SPIRE2: variants seen among roughly 807,000 people sequenced by gnomAD.
SPIRE2 encodes protein spire homolog 2.
A neutral mutation model predicts 80.7 loss-of-function variants in SPIRE2; 76 were observed. The observed-to-expected ratio is 0.94, with a 90% CI of 0.78 to 1.14. The LOEUF is 1.14. SPIRE2 is among the 50% of genes most tolerant of loss of function. The pLI, the probability that SPIRE2 is intolerant of heterozygous loss-of-function variation, is 0.00. For missense variants in SPIRE2, 1,196 were observed against 1,015.3 expected, an observed-to-expected ratio of 1.18 and a Z score of -2.42; for synonymous variants, 535 against 432.6, an observed-to-expected ratio of 1.24 and a Z score of -2.94.
intron 2 of SPIRE2, chr16:89,846,328 C>CT (rs34169212): frequency 0.63 from 92,790 of 147,982 alleles, 29,604 homozygotes; most frequent in East Asian, 0.75. Context: ...TGCCTGGCCT[C>CT]TTTTTTTTTT....
chr16:89,863,334 A>G lies in SPIRE2; in HGVS notation c.1576-142A>G. On this transcript the variant is annotated intron_variant, in intron 10 of 14. Coordinates refer to ENST00000378247, the MANE Select transcript of SPIRE2 (RefSeq NM_032451.2). This position sits in a 1 kb window ranked among gnomAD's most constrained non-coding sequence, Gnocchi z 4.3. ...AGACATGGGGATGGATGGCTGATGG[A>G]CAAGATGGCTGATGGACAGCGTTTT... 1 of 869,918 alleles carries G rather than the reference A, an allele frequency of 1.1e-6. No individual in the cohort carries two copies. Among genetic ancestry groups the G allele is most frequent in the East Asian group, 2.7e-5 (1 of 37,418 alleles). The allele number at this position is 869,918 out of a possible 1,614,324, so 53.9% of individuals were successfully genotyped here. A position where few individuals can be genotyped will look rare whatever the true frequency, so the allele number is the denominator to read the frequency against.
Position 89,863,335 on chromosome 16 carries a change from C to G in SPIRE2, c.1576-141C>G. 1 of 879,926 alleles carries G rather than the reference C, an allele frequency of 1.1e-6. No homozygotes were observed. Among genetic ancestry groups the G allele is most frequent in the Admixed American group, 2.8e-5 (1 of 36,220 alleles). The allele number at this position is 879,926 out of a possible 1,614,324, so 54.5% of individuals were successfully genotyped here. On this transcript the variant is annotated intron_variant, in intron 10 of 14. Transcript: ENST00000378247. The surrounding 1 kb of genome is among the most constrained non-coding windows in gnomAD (Gnocchi z 4.3). ...GACATGGGGATGGATGGCTGATGGA[C>G]AAGATGGCTGATGGACAGCGTTTTA...
chr16:89,844,965 T>C (rs750917584), intron 1 of SPIRE2, among the ~76,000 whole-genome samples: 3 of 152,238 alleles, frequency 2.0e-5, no homozygotes, highest in Non-Finnish European at 4.4e-5. Context: ...CGGGACAGAC[T>C]GTGGGACCTG....
Position 89,850,298 on chromosome 16 carries a change from C to G in SPIRE2, c.289-6C>G, listed in dbSNP as rs751674180. On this transcript the variant is annotated splice_region_variant and splice_polypyrimidine_tract_variant and intron_variant, in intron 2 of 14. Transcript: ENST00000378247. ...ACCGCCCAGTGACCGCGCCCCTGTC[C>G]CGCAGACCGTGCAGTCCCTCGGCTT... 2 of 1,601,558 alleles carry G rather than the reference C, an allele frequency of 1.2e-6. No individual in the cohort carries two copies. Among genetic ancestry groups the G allele is most frequent in the South Asian group, 2.2e-5 (2 of 89,990 alleles).
At chr16:89,855,091 A>C (rs1015426171) in intron 5 of SPIRE2, among the ~76,000 whole-genome samples, 1 of 152,148 alleles carries the variant, frequency 6.6e-6, no homozygotes, top group Non-Finnish European at 1.5e-5. Context: ...GGCGCCCGCC[A>C]CCACGCCTGG....
intron 12 of SPIRE2, 145 bp downstream of exon 12, chr16:89,864,006 G>GA (rs1185476201): frequency 1.7e-6 from 1 of 590,914 alleles, no homozygotes; most frequent in Non-Finnish European, 3.0e-6. Context: ...TGGTTAGTAC[G>GA]AATGAGGAGT....
rs965462496 is a variant in SPIRE2, at chr16:89,859,236, G to C, written c.1344G>C (p.Gln448His). 1.2e-6 allele frequency: 2 copies of C among 1,608,856 alleles called. No individual in the cohort carries two copies. Among genetic ancestry groups the C allele is most frequent in the African/African-American group, 1.3e-5 (1 of 74,748 alleles). The change falls in exon 9 of 15, where the codon CAG becomes CAC. Residue 448 changes from glutamine (Q) to histidine (H), a missense_variant. Coordinates refer to ENST00000378247, the MANE Select transcript of SPIRE2 (RefSeq NM_032451.2). ...CCTTCTCAGAGCATGACCTGGCCCA[G>C]CTCCGAAGTGAGGTGGCCTCTGGCC... The part of the protein sequence containing the change: ...DRSFSEHDLA[Q>H]LRSEVASGLQ...
intron 1 of SPIRE2, among the ~76,000 whole-genome samples, chr16:89,842,612 C>T (rs2041516068): frequency 6.6e-6 from 1 of 152,234 alleles, no homozygotes; most frequent in South Asian, 2.1e-4. Context: ...GCTTCCCATG[C>T]ACTGAGGACC....
intron 2 of SPIRE2, among the ~76,000 whole-genome samples, chr16:89,848,084 G>T (rs534369180): frequency 3.9e-5 from 6 of 152,336 alleles, no homozygotes; most frequent in African/African-American, 1.4e-4. Context: ...CACATTTCCC[G>T]CTACGCTGTC....
chr16:89,828,736 CG>C lies in SPIRE2; in HGVS notation c.190del (p.Asp64ThrfsTer27). The C allele has an allele frequency of 3.2e-6, 4 of 1,233,970 alleles. No homozygotes were observed. Among genetic ancestry groups the C allele is most frequent in the South Asian group, 3.2e-5 (1 of 31,084 alleles). 76.4% of individuals were successfully genotyped at this position (1,233,970 alleles called of 1,614,324 possible). A position where few individuals can be genotyped will look rare whatever the true frequency, so the allele number is the denominator to read the frequency against. Reference sequence around the variant, plus strand: ...CGCCGGGCCGGCGCCTGCGGGATACCGGGGACCTCCTGCTGCGCGGGGACGG... The same window carrying C: ...CGCCGGGCCGGCGCCTGCGGGATACCGGGACCTCCTGCTGCGCGGGGACGG... ...GSPGRRLRDT[G>X]DLLLRGDGSV... On this transcript the variant is annotated frameshift_variant, in exon 1 of 15. Transcript: ENST00000378247. LOFTEE classifies it high-confidence loss of function. This position sits in a 1 kb window ranked among gnomAD's most constrained non-coding sequence, Gnocchi z 5.9.
chr16:89,855,365 G>T (rs375806711), intron 5 of SPIRE2, among the ~76,000 whole-genome samples: 6 of 152,148 alleles, frequency 3.9e-5, no homozygotes, highest in Admixed American at 6.5e-5. Flanking sequence ...AGGTGCTAGA[G>T]GCTGGGGCAG....
rs1597227836 is a variant in SPIRE2 at position 89,870,585 on chromosome 16, T to C, written c.*313T>C. On this transcript the variant is annotated 3_prime_UTR_variant, in exon 15 of 15. Transcript: ENST00000378247. ...AGATCCTGGCACAGACTGCATCCCA[T>C]GTTCCCATGCTCTTCTCCGTCCCCA... 3 of 262,184 alleles carry C rather than the reference T, an allele frequency of 1.1e-5. No homozygotes were observed. In the East Asian group the frequency reaches 2.4e-4, roughly 21 times the overall value. The allele number at this position is 262,184 out of a possible 1,614,324, so 16.2% of individuals were successfully genotyped here. A position where few individuals can be genotyped will look rare whatever the true frequency, so the allele number is the denominator to read the frequency against.
intron 2 of SPIRE2, chr16:89,846,234 C>A (rs1231180594): frequency 6.6e-6 from 1 of 152,306 alleles, no homozygotes; most frequent in African/African-American, 2.4e-5. Flanking sequence ...CACTATGTTG[C>A]CCGGACTAGT....
At chr16:89,853,756 C>T (rs575555110) in intron 3 of SPIRE2, among the ~76,000 whole-genome samples, 2 of 152,240 alleles carry the variant, frequency 1.3e-5, no homozygotes, top group East Asian at 3.9e-4. Context: ...CCCAAGTTCT[C>T]AGCACAGAGC....
rs1397920491 is a variant in SPIRE2, at chr16:89,850,284, A to G, written c.289-20A>G. ...CACCCCCCTGCAGTACCGCCCAGTGACCGCGCCCCTGTCCCGCAGACCGTG... is the reference window on the plus strand; with the variant it reads ...CACCCCCCTGCAGTACCGCCCAGTGGCCGCGCCCCTGTCCCGCAGACCGTG... On this transcript the variant is annotated intron_variant, in intron 2 of 14. Coordinates refer to ENST00000378247, the MANE Select transcript of SPIRE2 (RefSeq NM_032451.2). 10 of 1,596,644 alleles carry G rather than the reference A, an allele frequency of 6.3e-6. No individual in the cohort carries two copies. The highest frequency in any genetic ancestry group is 7.7e-6 in the Non-Finnish European group (9 of 1,175,356).
intron 2 of SPIRE2, among the ~76,000 whole-genome samples, chr16:89,849,104 T>G (rs1232932161): frequency 6.6e-6 from 1 of 152,270 alleles, no homozygotes; most frequent in Non-Finnish European, 1.5e-5. Flanking sequence ...GGATCAGGTT[T>G]CCTGGGCTCC....
rs2041691863 is a variant in SPIRE2 at position 89,856,317 on chromosome 16, G to A, written c.1102+81G>A. On this transcript the variant is annotated intron_variant, in intron 7 of 14. Transcript: ENST00000378247. ...CATTCCCCTGGTCAGGTTGCACATT[G>A]GAAGGTGGCGTCTCCCTGAGGGCGC... 2.1e-6 allele frequency: 3 copies of A among 1,450,536 alleles called. No homozygotes were observed. The South Asian group carries it at 4.2e-5, about 20-fold the overall frequency. The allele number at this position is 1,450,536 out of a possible 1,614,324, so 89.9% of individuals were successfully genotyped here.
intron 1 of SPIRE2, among the ~76,000 whole-genome samples, chr16:89,836,654 T>C (rs779014989): frequency 1.1e-4 from 17 of 151,960 alleles, no homozygotes; most frequent in Non-Finnish European, 2.1e-4. Context: ...TGACCTCTGC[T>C]GTGAAGGTCT....
chr16:89,861,426 A>G (rs913678650), intron 10 of SPIRE2, among the ~76,000 whole-genome samples: 1 of 152,180 alleles, frequency 6.6e-6, no homozygotes, highest in African/African-American at 2.4e-5. Flanking sequence ...TTTGAGAACT[A>G]TGAGCCTTAT....
Sources: allele counts gnomAD v4.1 joint callset (sites outside exome capture counted in the v4.1 genomes callset), GRCh38; gene constraint gnomAD v4.1.1; non-coding constraint Gnocchi (gnomAD v3.1); transcripts MANE v1.5; gene names NCBI Gene and HGNC (gene_info 2026-07-23, HGNC 2026-07-21).